Variants in FAM114A1 observed in about 807,000 individuals in gnomAD.
The protein encoded by FAM114A1 is family with sequence similarity 114 member A1, also known as protein NOXP20.
FAM114A1 carries 62 observed loss-of-function variants against 64.3 expected under a neutral mutation model. The ratio of observed to expected loss-of-function variants is 0.96; its 90% CI spans 0.79 to 1.19. FAM114A1 has a LOEUF of 1.19. Ranked by LOEUF, FAM114A1 falls within the 50% of genes most tolerant of loss-of-function variation. The pLI is 0.00. For missense variants in FAM114A1, 645 were observed against 676.3 expected (o/e 0.95, Z 0.51); for synonymous variants, 254 against 251.1 (o/e 1.01, Z -0.11).
chr4:38,928,276 G>A (rs1720330390), intron 9 of FAM114A1, among the ~76,000 whole-genome samples: 1 of 152,136 alleles, frequency 6.6e-6, no homozygotes. Flanking sequence ...ATGTAGTCAG[G>A]TGAGATAAAT....
chr4:38,900,823 G>A (rs1004286197), intron 4 of FAM114A1, among the ~76,000 whole-genome samples: 5 of 152,062 alleles, frequency 3.3e-5, no homozygotes, highest in African/African-American at 1.2e-4. Flanking sequence ...TTTATACAAG[G>A]GAAAAAGTTC....
At chr4:38,917,581 C>T (rs895759522) in intron 8 of FAM114A1, among the ~76,000 whole-genome samples, 4 of 151,824 alleles carry the variant, frequency 2.6e-5, no homozygotes, top group Admixed American at 6.6e-5. Flanking sequence ...TTTTTATATG[C>T]GTTCTTATGT....
intron 9 of FAM114A1, 58 bp from the exon 10 acceptor site, chr4:38,929,184 G>A (rs1720414340): frequency 7.3e-7 from 1 of 1,362,508 alleles, no homozygotes; most frequent in East Asian, 2.3e-5. Context: ...TGGGGGAGCT[G>A]CCACATCCTG....
At chr4:38,897,513 A>G (rs924268275) in intron 4 of FAM114A1, among the ~76,000 whole-genome samples, 8 of 152,220 alleles carry the variant, frequency 5.3e-5, no homozygotes, top group South Asian at 2.1e-4. Flanking sequence ...TCAGCCAACA[A>G]TTATTTTGGA....
intron 3 of FAM114A1, among the ~76,000 whole-genome samples, chr4:38,881,465 G>A (rs971590029): frequency 1.3e-5 from 2 of 152,122 alleles, no homozygotes; most frequent in Non-Finnish European, 2.9e-5. Context: ...AGTCGGGCCC[G>A]TGGCTCTGGA....
chr4:38,883,605 A>G (rs1347891420), intron 3 of FAM114A1, among the ~76,000 whole-genome samples: 1 of 152,206 alleles, frequency 6.6e-6, no homozygotes, highest in Non-Finnish European at 1.5e-5. Context: ...AGTGTGGACC[A>G]CCATGGATAG....
intron 4 of FAM114A1, among the ~76,000 whole-genome samples, chr4:38,901,798 G>C (rs1369363954): frequency 6.6e-6 from 1 of 152,148 alleles, no homozygotes; most frequent in Non-Finnish European, 1.5e-5. Flanking sequence ...ACAGTGTCTT[G>C]AGAATACAGC....
chr4:38,941,469 C>G (rs16994955), intron 14 of FAM114A1, among the ~76,000 whole-genome samples: 1 of 152,198 alleles, frequency 6.6e-6, no homozygotes, highest in Non-Finnish European at 1.5e-5. Context: ...TTAGCCTATG[C>G]CCAGTCAATG....
chr4:38,928,918 G>A (rs1337788148), intron 9 of FAM114A1, among the ~76,000 whole-genome samples: 1 of 152,204 alleles, frequency 6.6e-6, no homozygotes, highest in Non-Finnish European at 1.5e-5. Context: ...CCTTCTTTCA[G>A]CAAATAGCTG....
At chr4:38,886,958 G>C (rs939237944) in intron 3 of FAM114A1, among the ~76,000 whole-genome samples, 9 of 151,404 alleles carry the variant, frequency 5.9e-5, no homozygotes, top group Non-Finnish European at 1.2e-4. Flanking sequence ...AATGTAGCCT[G>C]TACAGGGAAG....
chr4:38,943,077 C>T (rs796280340), intron 14 of FAM114A1, among the ~76,000 whole-genome samples: 7 of 151,910 alleles, frequency 4.6e-5, no homozygotes, highest in African/African-American at 1.7e-4. Flanking sequence ...CCCGTAGTCC[C>T]AGCTACTCGA....
At chr4:38,884,123 G>C (rs142419666) in intron 3 of FAM114A1, among the ~76,000 whole-genome samples, 1 of 152,194 alleles carries the variant, frequency 6.6e-6, no homozygotes, top group Admixed American at 6.5e-5. Context: ...GTTGGGGTAC[G>C]GGGAATAATT....
chr4:38,907,904 G>A (rs552599630), intron 6 of FAM114A1, among the ~76,000 whole-genome samples: 1 of 152,210 alleles, frequency 6.6e-6, no homozygotes, highest in African/African-American at 2.4e-5. Flanking sequence ...GTAAGTCTGG[G>A]TTATTTTAAT....
intron 14 of FAM114A1, among the ~76,000 whole-genome samples, chr4:38,941,422 C>T (rs887715021): frequency 5.9e-5 from 9 of 152,174 alleles, no homozygotes; most frequent in African/African-American, 1.9e-4. Context: ...TTAGCTGGGT[C>T]TAATGTCCAA....
At chr4:38,921,461 A>G (rs1258839168) in intron 8 of FAM114A1, among the ~76,000 whole-genome samples, 1 of 151,968 alleles carries the variant, frequency 6.6e-6, no homozygotes, top group Non-Finnish European at 1.5e-5. Flanking sequence ...GGGTCTCACT[A>G]TGTTGATTGC....
At position 38,877,981 on chromosome 4, in the gene FAM114A1, T is replaced by G. The variant is rs908204192; in HGVS notation, c.-8-90T>G. ...CTCCGTCTCAAAAAAAAAAAAAAAGTTTTCCCCTACCAGATTTATTTATCC... is the reference window on the plus strand; with the variant it reads ...CTCCGTCTCAAAAAAAAAAAAAAAGGTTTCCCCTACCAGATTTATTTATCC... On this transcript the variant is annotated intron_variant, in intron 2 of 14. Transcript: ENST00000358869. 1.8e-5 allele frequency: 20 copies of G among 1,085,690 alleles called. No individual in the cohort carries two copies. In the African/African-American group the frequency reaches 2.1e-4, roughly 11 times the overall value. The allele number at this position is 1,085,690 out of a possible 1,614,324, so 67.3% of individuals were successfully genotyped here. A position where few individuals can be genotyped will look rare whatever the true frequency, so the allele number is the denominator to read the frequency against.
In FAM114A1 at chr4:38,878,172, G is replaced by C. The variant is rs202009975; in HGVS notation, c.94G>C (p.Val32Leu). Residue 32 changes from valine (V) to leucine (L), a missense_variant, in exon 3 of 15, where the codon GTG (valine) becomes CTG (leucine). Physicochemically the swap from Val to Leu is conservative, Grantham distance 32. Coordinates refer to ENST00000358869, the MANE Select transcript of FAM114A1 (RefSeq NM_138389.4). ...NSDSLPEDAE[V>L]HCDSAAVSHE... ...TGATTCTTTACCTGAGGATGCAGAA[G>C]TGCATTGTGATTCAGCTGCAGTTTC... 3.1e-6 allele frequency: 5 copies of C among 1,614,248 alleles called. No homozygotes were observed. The African/African-American group carries it at 6.7e-5, about 22-fold the overall frequency.
chr4:38,939,627 C>T (rs1721427392), intron 13 of FAM114A1, among the ~76,000 whole-genome samples: 1 of 152,202 alleles, frequency 6.6e-6, no homozygotes, highest in African/African-American at 2.4e-5. Flanking sequence ...GACATTACTT[C>T]ACCCTCAGTA....
intron 3 of FAM114A1, among the ~76,000 whole-genome samples, chr4:38,890,422 A>AG (rs59908619): frequency 6.6e-6 from 1 of 151,676 alleles, no homozygotes; most frequent in Non-Finnish European, 1.5e-5. Context: ...ACAAAAAAAA[A>AG]CAGCAAGGGA....
Sources: gnomAD v4.1 joint callset for allele counts (sites outside exome capture counted in the v4.1 genomes callset) on GRCh38, gnomAD v4.1.1 for gene constraint, MANE v1.5 for transcripts, NCBI Gene and HGNC (gene_info 2026-07-23, HGNC 2026-07-21) for gene names.